The following GPN3 variants were observed in gnomAD, a reference collection of about 807,000 sequenced individuals.
GPN3 encodes the protein GPN-loop GTPase 3, also known as ATP-binding domain 1 family member C.
In GPN3, 31 loss-of-function variants were observed where a neutral mutation model predicts 38.7. That is an observed-to-expected ratio of 0.80 (90% CI 0.60 to 1.08). The LOEUF is 1.08. Ranked by LOEUF, GPN3 falls within the 50% of genes least tolerant of loss-of-function variation. The pLI, the probability that GPN3 is intolerant of heterozygous loss-of-function variation, is 0.00. For synonymous variants in GPN3, 116 were observed against 120.2 expected (o/e 0.96, Z 0.23); for missense variants, 301 against 354.4 (o/e 0.85, Z 1.21).
upstream of GPN3, chr12:110,468,449 GGAT>G: frequency 6.5e-7 from 1 of 1,535,740 alleles, no homozygotes; most frequent in Non-Finnish European, 8.7e-7. Context: ...TCGGCCGTTG[GGAT>G]GCTGTCTAAG....
At chr12:110,468,705 A>G, upstream of GPN3, 2 of 1,516,694 alleles carry the variant, frequency 1.3e-6, no homozygotes, top group Non-Finnish European at 1.8e-6. Context: ...CAGCGACCGC[A>G]GCGCTCCTGC....
chr12:110,457,757 A>G, intron 3 of GPN3, 123 bp from the exon 4 acceptor site: 1 of 569,844 alleles, frequency 1.8e-6, no homozygotes, highest in Non-Finnish European at 3.0e-6. Flanking sequence ...TAAGGGGCCC[A>G]CAGCCTCTCA....
chr12:110,462,917 C>T (rs535320946), intron 2 of GPN3, among the ~76,000 whole-genome samples: 4 of 152,296 alleles, frequency 2.6e-5, no homozygotes, highest in South Asian at 2.1e-4. Context: ...CCACCATGCC[C>T]GGCTAGTTTT....
chr12:110,459,877 T>G lies in GPN3; in HGVS notation c.158-15A>C. On this transcript the variant is annotated splice_polypyrimidine_tract_variant and intron_variant, in intron 2 of 7. Transcript: ENST00000228827. ...TTCCCGGATGTCTGAAAAGGACAGA[T>G]AGGGCCCAGAATATATGTGTCCCTT... is the stretch of plus-strand genomic sequence containing the variant. 1 of 1,609,644 alleles carries G rather than the reference T, an allele frequency of 6.2e-7. No homozygotes were observed. Among genetic ancestry groups the G allele is most frequent in the Non-Finnish European group, 8.5e-7 (1 of 1,176,096 alleles).
intron 2 of GPN3, among the ~76,000 whole-genome samples, chr12:110,460,587 G>A (rs1182097344): frequency 6.6e-6 from 1 of 152,140 alleles, no homozygotes; most frequent in Non-Finnish European, 1.5e-5. Flanking sequence ...TGTAATCCCA[G>A]CACTTTGGAT....
chr12:110,453,856 T>C lies in GPN3; in HGVS notation c.679A>G (p.Met227Val), dbSNP rs900012159. ...AICGLIDDYSMVRFLPYDQSD... is the reference protein window; with the variant it reads ...AICGLIDDYSVVRFLPYDQSD... The stretch of plus-strand genomic sequence containing the variant: ...TGATCGTAAGGTAAAAATCGAACCA[T>C]GCTGTAGTCATCAATCTACAAGTTG... Residue 227 changes from methionine (M) to valine (V), a missense_variant, in exon 7 of 8, where the codon ATG becomes GTG. By Grantham distance (21) the Met-to-Val change is conservative. Transcript: ENST00000228827. 16 of 1,607,088 alleles carry C rather than the reference T, an allele frequency of 1.0e-5. No homozygotes were observed. The highest frequency in any genetic ancestry group is 1.4e-5 in the Non-Finnish European group (16 of 1,174,572).
At chr12:110,463,369 G>A (rs1390037992) in intron 2 of GPN3, among the ~76,000 whole-genome samples, 2 of 151,450 alleles carry the variant, frequency 1.3e-5, no homozygotes. Flanking sequence ...AGGATTGCTT[G>A]AGTCCAGGAG....
At chr12:110,460,795 T>A (rs563463198) in intron 2 of GPN3, among the ~76,000 whole-genome samples, 1 of 152,120 alleles carries the variant, frequency 6.6e-6, no homozygotes, top group Non-Finnish European at 1.5e-5. Context: ...TGAAGCCCCA[T>A]CTCTACTAAA....
Position 110,468,176 on chromosome 12 carries a change from C to T in GPN3, c.28G>A (p.Gly10Ser), listed in dbSNP as rs1383859586. The stretch of plus-strand genomic sequence containing the variant: ...CTCACCTTCCCGCTGCCCGCGGGGC[C>T]CATGACCAGCTGCGCATACCGAGGC... MPRYAQLVM[G>S]PAGSGKSTYC... Residue 10 changes from glycine (G) to serine (S), a missense_variant, in exon 1 of 8, where the codon GGC (glycine) becomes AGC (serine). By Grantham distance (56) the Gly-to-Ser change is moderately conservative. Transcript: ENST00000228827. 1.9e-6 allele frequency: 3 copies of T among 1,612,548 alleles called. No individual in the cohort carries two copies. Among genetic ancestry groups the T allele is most frequent in the Non-Finnish European group, 2.5e-6 (3 of 1,179,992 alleles).
chr12:110,462,999 G>A (rs897888091), intron 2 of GPN3, among the ~76,000 whole-genome samples: 4 of 151,880 alleles, frequency 2.6e-5, no homozygotes, highest in African/African-American at 7.3e-5. Context: ...CTTGTGATCC[G>A]CCTGCCTCGG....
Position 110,458,128 on chromosome 12 carries a change from A to AAAAG in GPN3, c.326-498_326-495dup, listed in dbSNP as rs1555297402. Among the ~76,000 whole-genome samples the AAAAG allele has an allele frequency of 5.9e-5, 9 of 152,008 alleles. No individual in the cohort carries two copies. Among genetic ancestry groups the AAAAG allele is most frequent in the Non-Finnish European group, 8.8e-5 (6 of 68,004 alleles). The stretch of plus-strand genomic sequence containing the variant: ...AAGACTCTGTCTTTAAAAATAAAAA[A>AAAAG]AAAGAAAGAAAGAAAGAAAATGAGG... On this transcript the variant is annotated intron_variant, in intron 3 of 7. Coordinates refer to ENST00000228827, the MANE Select transcript of GPN3 (RefSeq NM_016301.4). The surrounding 1 kb of genome is among the most constrained non-coding windows in gnomAD (Gnocchi z 4.4).
At chr12:110,459,245 T>C (rs1345567271) in intron 3 of GPN3, among the ~76,000 whole-genome samples, 1 of 151,712 alleles carries the variant, frequency 6.6e-6, no homozygotes, top group Admixed American at 6.6e-5. Context: ...TTTTTGTTTT[T>C]TTTTTTTGTT....
intron 6 of GPN3, 110 bp downstream of exon 6, chr12:110,455,476 C>T: frequency 1.5e-6 from 1 of 663,470 alleles, no homozygotes; most frequent in Admixed American, 2.5e-5. Flanking sequence ...GTTGCCCAGG[C>T]TGGTCTTGAA....
intron 6 of GPN3, 67 bp from the exon 7 acceptor site, chr12:110,453,938 T>C (rs775536190): frequency 8.9e-5 from 113 of 1,274,978 alleles, no homozygotes; most frequent in Admixed American, 1.6e-4. Context: ...TTTCAACTTA[T>C]ATTTGAGTTT....
rs536707840 is a variant in GPN3 at position 110,458,553 on chromosome 12, G to A, written c.326-919C>T. On this transcript the variant is annotated intron_variant, in intron 3 of 7. Coordinates refer to ENST00000228827, the MANE Select transcript of GPN3 (RefSeq NM_016301.4). This position sits in a 1 kb window ranked among gnomAD's most constrained non-coding sequence, Gnocchi z 4.4. ...TCCCAGCATTTGGGAGGCCGAGGCA[G>A]GTGAATCACCTAAGGTCCAGAGTTT... Among the ~76,000 whole-genome samples, 1 of 152,246 alleles carries A rather than the reference G, an allele frequency of 6.6e-6. No individual in the cohort carries two copies. Among genetic ancestry groups the A allele is most frequent in the East Asian group, 1.9e-4 (1 of 5,184 alleles).
At chr12:110,461,700 T>C (rs1472823898) in intron 2 of GPN3, among the ~76,000 whole-genome samples, 1 of 152,172 alleles carries the variant, frequency 6.6e-6, no homozygotes, top group Non-Finnish European at 1.5e-5. Flanking sequence ...CTTAGGTTTT[T>C]ACTTATTTTT....
In GPN3 at chr12:110,453,848, T is replaced by G; in HGVS notation, c.687A>C (p.Arg229=). ...CGLIDDYSMV[R]FLPYDQSDEE... is the part of the protein sequence containing the mutation. ...CATCTGACTGATCGTAAGGTAAAAA[T>G]CGAACCATGCTGTAGTCATCAATCT... Residue 229 remains arginine (R), a synonymous_variant, in exon 7 of 8, where the codon CGA becomes CGC. Coordinates refer to ENST00000228827, the MANE Select transcript of GPN3 (RefSeq NM_016301.4). The G allele has an allele frequency of 6.2e-7, 1 of 1,608,960 alleles. No homozygotes were observed. The highest frequency in any genetic ancestry group is 1.1e-5 in the South Asian group (1 of 90,918).
intron 2 of GPN3, among the ~76,000 whole-genome samples, chr12:110,462,495 T>C (rs1377434008): frequency 6.6e-6 from 1 of 152,250 alleles, no homozygotes; most frequent in African/African-American, 2.4e-5. Flanking sequence ...TTGCAAAATA[T>C]ATTGAATCTG....
intron 6 of GPN3, among the ~76,000 whole-genome samples, chr12:110,454,559 T>C (rs990585940): frequency 1.8e-4 from 27 of 151,964 alleles, no homozygotes; most frequent in African/African-American, 6.3e-4. Context: ...ACCATGTTGG[T>C]CAGCCTGGTC....
Sources: gnomAD v4.1 joint callset for allele counts (sites outside exome capture counted in the v4.1 genomes callset) on GRCh38, gnomAD v4.1.1 for gene constraint, Gnocchi (gnomAD v3.1) non-coding constraint, MANE v1.5 for transcripts, NCBI Gene and HGNC (gene_info 2026-07-23, HGNC 2026-07-21) for gene names.